The following FRMD6 variants were observed in gnomAD, a reference collection of about 807,000 sequenced individuals.
The protein encoded by FRMD6 is FERM domain containing 6.
Under a neutral mutation model 73.2 loss-of-function variants are expected in FRMD6, and 37 were observed. That is an observed-to-expected ratio of 0.51 (90% CI 0.39 to 0.66). The LOEUF (loss-of-function observed/expected upper bound fraction) is 0.66, where lower values mean the gene tolerates loss of function less well. Among genes scored for constraint, FRMD6 ranks in the 30% least tolerant of loss-of-function variants. The pLI, the probability that FRMD6 is intolerant of heterozygous loss-of-function variation, is 0.00. For synonymous variants in FRMD6, 273 were observed against 282.2 expected, an observed-to-expected ratio of 0.97 and a Z score of 0.33; for missense variants, 714 against 780.5, an observed-to-expected ratio of 0.91 and a Z score of 1.02.
chr14:51,483,928 C>T, the FRMD6 span, among the ~76,000 whole-genome samples: 6 of 152,088 alleles, frequency 3.9e-5, no homozygotes, highest in African/African-American at 1.2e-4. Flanking sequence ...AAAACTGAGG[C>T]TTGCAGAGAT....
chr14:51,446,588 G>T, the FRMD6 span, among the ~76,000 whole-genome samples: 1 of 152,138 alleles, frequency 6.6e-6, no homozygotes, highest in African/African-American at 2.4e-5. Flanking sequence ...TGTCATTTTA[G>T]TTATTCTTTC....
At chr14:51,428,197 G>T in the FRMD6 span, among the ~76,000 whole-genome samples, 1 of 152,142 alleles carries the variant, frequency 6.6e-6, no homozygotes, top group African/African-American at 2.4e-5. Context: ...GAACTTCCTA[G>T]GTCAGTGATT....
intron 1 of FRMD6, among the ~76,000 whole-genome samples, chr14:51,506,661 G>T (rs538263235): frequency 1.3e-5 from 2 of 152,158 alleles, no homozygotes; most frequent in East Asian, 3.9e-4. Flanking sequence ...GACAGGATTT[G>T]ACCCAGCACT....
At chr14:51,494,816 C>T (rs1007069685) in intron 1 of FRMD6, among the ~76,000 whole-genome samples, 1 of 152,204 alleles carries the variant, frequency 6.6e-6, no homozygotes, top group African/African-American at 2.4e-5. Context: ...GCCATTCTTC[C>T]ATTGTCTTGG....
chr14:51,695,548 T>A (rs1458811910), intron 2 of FRMD6, among the ~76,000 whole-genome samples: 1 of 152,158 alleles, frequency 6.6e-6, no homozygotes, highest in Admixed American at 6.6e-5. Context: ...AATGGCATAT[T>A]TATAAAATGG....
At chr14:51,543,143 A>T (rs1286776455) in intron 1 of FRMD6, among the ~76,000 whole-genome samples, 4 of 151,998 alleles carry the variant, frequency 2.6e-5, no homozygotes, top group Admixed American at 2.0e-4. Flanking sequence ...ACCCAAGTTG[A>T]TTATGATTTT....
chr14:51,408,195 T>G, the FRMD6 span, among the ~76,000 whole-genome samples: 1 of 151,886 alleles, frequency 6.6e-6, no homozygotes, highest in Non-Finnish European at 1.5e-5. Context: ...ATCACTCTGT[T>G]GCCCAGGCTG....
chr14:51,478,646 G>A, the FRMD6 span, among the ~76,000 whole-genome samples: 1 of 152,126 alleles, frequency 6.6e-6, no homozygotes, highest in Non-Finnish European at 1.5e-5. Flanking sequence ...AAACTGGAAA[G>A]TATGCCTATG....
At chr14:51,598,582 G>T (rs1360262860) in intron 2 of FRMD6, among the ~76,000 whole-genome samples, 1 of 152,096 alleles carries the variant, frequency 6.6e-6, no homozygotes, top group Non-Finnish European at 1.5e-5. Context: ...CATTCTTGTG[G>T]CCTCCAGGGT....
the FRMD6 span, among the ~76,000 whole-genome samples, chr14:51,464,996 C>T: frequency 8.5e-5 from 13 of 152,072 alleles, no homozygotes; most frequent in Non-Finnish European, 1.5e-4. Flanking sequence ...AAGCTCATTC[C>T]CTGCCACATA....
intron 2 of FRMD6, among the ~76,000 whole-genome samples, chr14:51,610,567 A>G (rs545299520): frequency 4.6e-5 from 7 of 152,298 alleles, no homozygotes; most frequent in South Asian, 2.1e-4. Flanking sequence ...CATTGCTCCA[A>G]CTGAGTTTAA....
intron 2 of FRMD6, among the ~76,000 whole-genome samples, chr14:51,629,784 T>C (rs1245384327): frequency 6.6e-6 from 1 of 152,234 alleles, no homozygotes; most frequent in Non-Finnish European, 1.5e-5. Flanking sequence ...TAGTGATATG[T>C]AACCTGGTAA....
intron 10 of FRMD6, among the ~76,000 whole-genome samples, chr14:51,719,581 T>G (rs1897417962): frequency 6.6e-6 from 1 of 152,234 alleles, no homozygotes. Context: ...TATTAAGTAG[T>G]CTTCTAGAGC....
At chr14:51,597,920 A>G (rs1176093813) in intron 2 of FRMD6, among the ~76,000 whole-genome samples, 1 of 152,146 alleles carries the variant, frequency 6.6e-6, no homozygotes, top group Non-Finnish European at 1.5e-5. Context: ...GTGGGAAGAG[A>G]CTGAGGCCTG....
At chr14:51,636,875 A>AAAAG (rs1379692270) in intron 2 of FRMD6, among the ~76,000 whole-genome samples, 9 of 152,220 alleles carry the variant, frequency 5.9e-5, no homozygotes, top group Non-Finnish European at 2.9e-5. Flanking sequence ...CTGTAGAGAA[A>AAAAG]AAAGACCAGA....
At chr14:51,496,349 G>T (rs1270015415) in intron 1 of FRMD6, among the ~76,000 whole-genome samples, 1 of 152,168 alleles carries the variant, frequency 6.6e-6, no homozygotes, top group Non-Finnish European at 1.5e-5. Context: ...ATGATTTCTT[G>T]TTTCTCACAC....
the FRMD6 span, among the ~76,000 whole-genome samples, chr14:51,419,291 G>C: frequency 9.1e-3 from 1,393 of 152,298 alleles, 22 homozygotes; most frequent in African/African-American, 0.032. Flanking sequence ...GACTGGAGCT[G>C]TTCCTATTTG....
the FRMD6 span, among the ~76,000 whole-genome samples, chr14:51,458,824 G>C: frequency 6.6e-6 from 1 of 152,200 alleles, no homozygotes; most frequent in East Asian, 1.9e-4. Flanking sequence ...GTCTGCAGCT[G>C]CTTAAGCTGT....
intron 13 of FRMD6, among the ~76,000 whole-genome samples, chr14:51,726,474 G>A (rs1897960452): frequency 6.6e-6 from 1 of 151,810 alleles, no homozygotes; most frequent in African/African-American, 2.4e-5. Flanking sequence ...TTTCCCTTCT[G>A]TGTGTGTTTC....
Sources: allele counts gnomAD v4.1 joint callset (sites outside exome capture counted in the v4.1 genomes callset), GRCh38; gene constraint gnomAD v4.1.1; transcripts MANE v1.5; gene names NCBI Gene and HGNC (gene_info 2026-07-23, HGNC 2026-07-21).